The following SERPINI2 variants were observed in gnomAD, a reference collection of about 807,000 sequenced individuals.
SERPINI2 encodes serpin family I member 2.
In SERPINI2, 48 loss-of-function variants were observed where a neutral mutation model predicts 47.3. That is an observed-to-expected ratio of 1.02 (90% CI 0.81 to 1.29). The LOEUF is 1.29. SERPINI2 is among the 50% of genes most tolerant of loss of function. The pLI is 0.00. For synonymous variants in SERPINI2, 135 were observed against 149.3 expected (o/e 0.90, Z 0.70); for missense variants, 448 against 456.9 (o/e 0.98, Z 0.18).
chr3:167,448,376 T>C (rs1397854167), intron 7 of SERPINI2, among the ~76,000 whole-genome samples: 13 of 152,214 alleles, frequency 8.5e-5, no homozygotes, highest in African/African-American at 3.1e-4. Flanking sequence ...AAAGGCAAGC[T>C]GCAAAGCACT....
At chr3:167,472,823 G>C (rs1245266340) in intron 1 of SERPINI2, among the ~76,000 whole-genome samples, 18 of 151,594 alleles carry the variant, frequency 1.2e-4, no homozygotes, top group Admixed American at 1.2e-3. Context: ...CCACATATTT[G>C]GTAGAATGTT....
At position 167,449,310 on chromosome 3, in the gene SERPINI2, C is replaced by T; in HGVS notation, c.1051+6G>A. On this transcript the variant is annotated splice_donor_region_variant and intron_variant, in intron 7 of 8. Transcript: ENST00000264677. ...TTCTAGCTTGGCCAGAAATCATTCA[C>T]CCTACCAGTTGATGTTGCAGCTTCA... The T allele has an allele frequency of 1.2e-6, 2 of 1,602,422 alleles. No individual in the cohort carries two copies. The highest frequency in any genetic ancestry group is 8.5e-7 in the Non-Finnish European group (1 of 1,169,616).
At chr3:167,452,883 A>T in intron 6 of SERPINI2, 53 bp downstream of exon 6, 1 of 1,089,124 alleles carries the variant, frequency 9.2e-7, no homozygotes, top group Non-Finnish European at 1.4e-6. Flanking sequence ...TAGTTAATGT[A>T]GTCCTAACAA....
rs149318385 is a variant in SERPINI2 at position 167,471,660 on chromosome 3, C to T, written c.175G>A (p.Val59Ile). ...GCTTTTCCTTTGGCTCCCAGTTGTACCATCTCAAGAACCAAAGTTATTCCA... is the reference window on the plus strand; with the variant it reads ...GCTTTTCCTTTGGCTCCCAGTTGTATCATCTCAAGAACCAAAGTTATTCCA... The change falls in exon 2 of 9, where the codon GTA (valine) becomes ATA (isoleucine). Residue 59 changes from valine to isoleucine, a missense_variant. Coordinates refer to ENST00000264677, the Ensembl canonical transcript of SERPINI2. 10 of 1,613,392 alleles carry T rather than the reference C, an allele frequency of 6.2e-6. No homozygotes were observed. In the African/African-American group the frequency reaches 1.3e-4, roughly 22 times the overall value.
At chr3:167,471,516 G>T in intron 2 of SERPINI2, 72 bp downstream of exon 2, 2 of 1,398,120 alleles carry the variant, frequency 1.4e-6, no homozygotes, top group Admixed American at 2.3e-5. Context: ...TCTTTATCCT[G>T]AACTTCTAAT....
intron 1 of SERPINI2, chr3:167,473,733 T>C (rs1265136650): frequency 6.8e-7 from 1 of 1,469,910 alleles, no homozygotes; most frequent in South Asian, 1.4e-5. Context: ...AAAAACTCAC[T>C]TACCTCATCA....
chr3:167,473,793 CA>C, intron 1 of SERPINI2: 1 of 1,456,854 alleles, frequency 6.9e-7, no homozygotes, highest in South Asian at 1.4e-5. Context: ...CTGAACTAAA[CA>C]ACCTGATGAA....
At chr3:167,463,913 C>T (rs1750056176) in intron 5 of SERPINI2, among the ~76,000 whole-genome samples, 1 of 150,386 alleles carries the variant, frequency 6.6e-6, no homozygotes, top group Non-Finnish European at 1.5e-5. Flanking sequence ...GTGCTGAGCT[C>T]TAGTCTCGGT....
At chr3:167,442,652 A>G (rs1299601454) in intron 8 of SERPINI2, among the ~76,000 whole-genome samples, 1 of 152,234 alleles carries the variant, frequency 6.6e-6, no homozygotes, top group Admixed American at 6.5e-5. Flanking sequence ...ATCAAAGCTT[A>G]CTTTACCTCC....
At chr3:167,443,252 T>A (rs1038669950) in intron 8 of SERPINI2, among the ~76,000 whole-genome samples, 1 of 151,880 alleles carries the variant, frequency 6.6e-6, no homozygotes, top group Admixed American at 6.6e-5. Flanking sequence ...GGACTATAGG[T>A]GCCCGCCACC....
intron 5 of SERPINI2, among the ~76,000 whole-genome samples, chr3:167,464,014 T>C (rs928150949): frequency 1.2e-4 from 18 of 146,250 alleles, no homozygotes; most frequent in Non-Finnish European, 2.1e-4. Context: ...AGTGGCTTTT[T>C]TTTTTTTTTT....
chr3:167,467,395 AGG>A (rs1206157529), intron 2 of SERPINI2, 110 bp from the exon 3 acceptor site: 1 of 663,562 alleles, frequency 1.5e-6, no homozygotes, highest in African/African-American at 1.8e-5. Flanking sequence ...TTGCACCCTT[AGG>A]TATAACTAAC....
chr3:167,443,190 C>T (rs1023798972), intron 8 of SERPINI2, among the ~76,000 whole-genome samples: 2 of 152,206 alleles, frequency 1.3e-5, no homozygotes, highest in Non-Finnish European at 2.9e-5. Context: ...TCATTGCAAG[C>T]TCCGCCTCCC....
At chr3:167,467,223 T>C in exon 3 of SERPINI2, 2 of 1,613,250 alleles carry the variant, frequency 1.2e-6, no homozygotes, top group Non-Finnish European at 1.7e-6. Context: ...AGATTAAATG[T>C]AAATTCTTGT....
chr3:167,460,710 G>T (rs1749958969), intron 5 of SERPINI2, among the ~76,000 whole-genome samples: 1 of 152,164 alleles, frequency 6.6e-6, no homozygotes, highest in African/African-American at 2.4e-5. Flanking sequence ...GTATGGAAAG[G>T]TGGGAAAGCT....
chr3:167,454,820 C>T (rs906970522), intron 5 of SERPINI2, among the ~76,000 whole-genome samples: 4 of 152,118 alleles, frequency 2.6e-5, no homozygotes, highest in Admixed American at 2.6e-4. Flanking sequence ...TGTGAAGAAG[C>T]ACTGCCATGT....
chr3:167,449,235 A>C, intron 7 of SERPINI2, 81 bp downstream of exon 7: 2 of 953,464 alleles, frequency 2.1e-6, no homozygotes, highest in Non-Finnish European at 3.4e-6. Flanking sequence ...GAAGAGTACA[A>C]TACTTCAAAA....
chr3:167,468,828 A>G (rs1750226727), intron 2 of SERPINI2, among the ~76,000 whole-genome samples: 1 of 152,188 alleles, frequency 6.6e-6, no homozygotes. Context: ...AAGACACGAG[A>G]GCTTTTCCAA....
At chr3:167,446,261 GTA>G (rs3830596) in intron 8 of SERPINI2, 129 bp downstream of exon 8, 1 of 566,462 alleles carries the variant, frequency 1.8e-6, no homozygotes, top group African/African-American at 1.9e-5. Context: ...ACAATTCCTG[GTA>G]TATAAAATGC....
Sources: gnomAD v4.1 joint callset for allele counts (sites outside exome capture counted in the v4.1 genomes callset) on GRCh38, gnomAD v4.1.1 for gene constraint, MANE v1.5 for transcripts, NCBI Gene and HGNC (gene_info 2026-07-23, HGNC 2026-07-21) for gene names.